The following CIAO3 variants were observed in gnomAD, a reference collection of about 807,000 sequenced individuals.
CIAO3 encodes the protein LET1 like/JFP15.
A neutral mutation model predicts 51.5 loss-of-function variants in CIAO3; 45 were observed. The observed-to-expected ratio is 0.87, with a 90% confidence interval of 0.69 to 1.12. The LOEUF (loss-of-function observed/expected upper bound fraction) is 1.12, where lower values mean the gene tolerates loss of function less well. Among genes scored for constraint, CIAO3 ranks in the 50% most tolerant of loss-of-function variants. The probability of loss-of-function intolerance (pLI) is 0.00; values close to 1 mark genes in which losing one functional copy is unlikely to be tolerated. For synonymous variants in CIAO3, 314 were observed against 269.3 expected, an observed-to-expected ratio of 1.17 and a Z score of -1.63; for missense variants, 668 against 632.5, an observed-to-expected ratio of 1.06 and a Z score of -0.60.
At chr16:740,023 T>G in intron 1 of CIAO3, 1 of 1,432,072 alleles carries the variant, frequency 7.0e-7, no homozygotes, top group Non-Finnish European at 9.3e-7. Flanking sequence ...AACACTGACC[T>G]TCACCCTTCA....
intron 3 of CIAO3, 30 bp from the exon 4 acceptor site, chr16:736,428 T>C (rs752503147): frequency 3.7e-6 from 6 of 1,611,556 alleles, no homozygotes; most frequent in African/African-American, 1.3e-5. Flanking sequence ...CGCTGCTTAC[T>C]CTGCTGGCCT....
chr16:737,276 C>A lies in CIAO3; in HGVS notation c.216G>T (p.Leu72=). The change falls in exon 3 of 11, where the codon CTG becomes CTT. Residue 72 remains leucine (L), a synonymous_variant. Coordinates refer to ENST00000251588, the MANE Select transcript of CIAO3 (RefSeq NM_022493.3). The surrounding 1 kb of genome is among the most constrained non-coding windows in gnomAD (Gnocchi z 5.3). ...CGGAGGTGATGCAGCCGCTGCACGC[C>A]AGGCAGTCGTTTAGCGAGACCTTGG... ...EKAKVSLNDC[L]ACSGCITSAE... 6.2e-7 allele frequency: 1 copy of A among 1,613,494 alleles called. No homozygotes were observed. The highest frequency in any genetic ancestry group is 8.5e-7 in the Non-Finnish European group (1 of 1,180,016).
Position 739,555 on chromosome 16 carries a change from G to C in CIAO3, c.162+88C>G, listed in dbSNP as rs547281145. Reference sequence around the variant, plus strand: ...CTGGTGAGACCTGGAGTGTCTCGGGGTCACCGCTCTGTGACGGGAGGAAGC... The same window carrying C: ...CTGGTGAGACCTGGAGTGTCTCGGGCTCACCGCTCTGTGACGGGAGGAAGC... On this transcript the variant is annotated intron_variant, in intron 2 of 10. Transcript: ENST00000251588. 1,905 of 1,320,410 alleles carry C rather than the reference G, an allele frequency of 1.4e-3. 2 individuals are homozygous for C. Among genetic ancestry groups the C allele is most frequent in the Non-Finnish European group, 1.9e-3 (1,772 of 916,532 alleles). 81.8% of individuals were successfully genotyped at this position (1,320,410 alleles called of 1,614,324 possible).
intron 5 of CIAO3, 40 bp downstream of exon 5, chr16:734,697 C>T (rs1420536802): frequency 6.2e-7 from 1 of 1,612,760 alleles, no homozygotes; most frequent in South Asian, 1.1e-5. Context: ...TTCAACTGCA[C>T]TTGAACTTGA....
At position 737,101 on chromosome 16, in the gene CIAO3, A is replaced by G; in HGVS notation, c.306+85T>C. On this transcript the variant is annotated intron_variant, in intron 3 of 10. Coordinates refer to ENST00000251588, the MANE Select transcript of CIAO3 (RefSeq NM_022493.3). This position sits in a 1 kb window ranked among gnomAD's most constrained non-coding sequence, Gnocchi z 5.3. Reference sequence around the variant, plus strand: ...CCCGCACGACGGACGTCGGCACCACACGAGCTGCCCTTGGCAAAACGCGTT... The same window carrying G: ...CCCGCACGACGGACGTCGGCACCACGCGAGCTGCCCTTGGCAAAACGCGTT... The G allele has an allele frequency of 1.9e-6, 3 of 1,578,058 alleles. No homozygotes were observed. The highest frequency in any genetic ancestry group is 1.3e-5 in the African/African-American group (1 of 74,348).
In CIAO3 at chr16:730,590, C is replaced by T. The variant is rs574344672; in HGVS notation, c.1258G>A (p.Val420Met). 3.0e-5 allele frequency: 49 copies of T among 1,610,902 alleles called. No individual in the cohort carries two copies. The Admixed American group carries it at 5.2e-4, about 17-fold the overall frequency. ...CGGACCATGCCGTACAGTCTCTCCA[C>T]GTGCTGGAGGAGCTCTCTGCTGGGC... ...DRPSRELLQH[V>M]ERLYGMVRAE... is the part of the protein sequence containing the mutation. The change falls in exon 11 of 11, where the codon GTG (valine) becomes ATG (methionine). Residue 420 changes from valine to methionine, a missense_variant. By Grantham distance (21) the Val-to-Met change is conservative (BLOSUM62 1). Coordinates refer to ENST00000251588, the MANE Select transcript of CIAO3 (RefSeq NM_022493.3).
Position 733,800 on chromosome 16 carries a change from C to T in CIAO3, c.694-373G>A, listed in dbSNP as rs113285753. The stretch of plus-strand genomic sequence containing the variant: ...CCGCGTGCAGTCAGGCAAGAGGTGC[C>T]GCAGGGGACATGGGCGCTCGAGGCC... On this transcript the variant is annotated intron_variant, in intron 6 of 10. Transcript: ENST00000251588. 1.3e-3 allele frequency: 469 copies of T among 372,260 alleles called. 4 individuals are homozygous for T. The highest frequency in any genetic ancestry group is 8.8e-3 in the African/African-American group (423 of 47,960). 23.1% of individuals were successfully genotyped at this position (372,260 alleles called of 1,614,324 possible). A position where few individuals can be genotyped will look rare whatever the true frequency, so the allele number is the denominator to read the frequency against.
intron 4 of CIAO3, chr16:735,665 C>T (rs1426270730): frequency 6.5e-6 from 1 of 152,764 alleles, no homozygotes; most frequent in African/African-American, 2.4e-5. Flanking sequence ...ATGGGTCAGA[C>T]AGGAGCCATG....
In CIAO3 at chr16:736,389, G is replaced by T. The variant is rs1352333973; in HGVS notation, c.316C>A (p.Pro106Thr). 1 of 1,612,804 alleles carries T rather than the reference G, an allele frequency of 6.2e-7. No homozygotes were observed. Reference protein sequence around the residue: ...KVLDANKMAAPSQQRLVVVSV... With the variant: ...KVLDANKMAATSQQRLVVVSV... ...ACTACAACCAGCCTCTGCTGACTGGGTGCCGCCATCTGCAAAGCAAGGGGA... is the reference window on the plus strand; with the variant it reads ...ACTACAACCAGCCTCTGCTGACTGGTTGCCGCCATCTGCAAAGCAAGGGGA... Residue 106 changes from proline (P) to threonine (T), a missense_variant, in exon 4 of 11, where the codon CCC becomes ACC. By Grantham distance (38) the Pro-to-Thr change is conservative. Coordinates refer to ENST00000251588, the MANE Select transcript of CIAO3 (RefSeq NM_022493.3).
chr16:740,000 C>A, intron 1 of CIAO3: 1 of 1,467,366 alleles, frequency 6.8e-7, no homozygotes, highest in South Asian at 1.2e-5. Flanking sequence ...TACCCACCTG[C>A]GGAGACACCA....
chr16:733,387 G>A lies in CIAO3; in HGVS notation c.734C>T (p.Pro245Leu), dbSNP rs775118375. The A allele has an allele frequency of 1.5e-5, 24 of 1,613,740 alleles. No individual in the cohort carries two copies. Among genetic ancestry groups the A allele is most frequent in the Admixed American group, 1.7e-5 (1 of 60,000 alleles). The change falls in exon 7 of 11, where the codon CCC becomes CTC. Residue 245 changes from proline (P) to leucine (L), a missense_variant. Physicochemically the swap from Pro to Leu is moderately conservative, Grantham distance 98 (BLOSUM62 -3). Coordinates refer to ENST00000251588, the MANE Select transcript of CIAO3 (RefSeq NM_022493.3). Reference sequence around the variant, plus strand: ...GGCTTCCAGCTTTTTGTCATAGCAGGGCATCACTGTGACGTGGTAGATCTT... The same window carrying A: ...GGCTTCCAGCTTTTTGTCATAGCAGAGCATCACTGTGACGTGGTAGATCTT... Reference protein sequence around the residue: ...PDKIYHVTVMPCYDKKLEASR... With the variant: ...PDKIYHVTVMLCYDKKLEASR...
Position 730,336 on chromosome 16 carries a change from G to T in CIAO3, c.*81C>A. 1 of 1,396,832 alleles carries T rather than the reference G, an allele frequency of 7.2e-7. No homozygotes were observed. The highest frequency in any genetic ancestry group is 9.9e-7 in the Non-Finnish European group (1 of 1,011,242). The allele number at this position is 1,396,832 out of a possible 1,614,324, so 86.5% of individuals were successfully genotyped here. A position where few individuals can be genotyped will look rare whatever the true frequency, so the allele number is the denominator to read the frequency against. ...CCCTGCAGCTCACTCAGAATTTTGG[G>T]GGAAGCCCTGGGGTCTTGGGGCATG... On this transcript the variant is annotated 3_prime_UTR_variant, in exon 11 of 11. Coordinates refer to ENST00000251588, the MANE Select transcript of CIAO3 (RefSeq NM_022493.3).
intron 4 of CIAO3, among the ~76,000 whole-genome samples, 187 bp downstream of exon 4, chr16:736,079 G>A (rs753206571): frequency 1.3e-5 from 2 of 152,256 alleles, no homozygotes; most frequent in Middle Eastern, 3.4e-3. Flanking sequence ...CGTGTTCTGT[G>A]AGAAGGCCCT....
At chr16:735,492 A>G (rs2041328741) in intron 4 of CIAO3, 1 of 152,324 alleles carries the variant, frequency 6.6e-6, no homozygotes, top group East Asian at 1.9e-4. Flanking sequence ...CTTGCCCGTC[A>G]TCATCATCTC....
rs1360407916 is a variant in CIAO3 at position 731,683 on chromosome 16, C to T, written c.916G>A (p.Glu306Lys). Residue 306 changes from glutamate (E) to lysine (K), a missense_variant, in exon 9 of 11, where the codon GAG becomes AAG. By Grantham distance (56) the Glu-to-Lys change is moderately conservative (BLOSUM62 1). Coordinates refer to ENST00000251588, the MANE Select transcript of CIAO3 (RefSeq NM_022493.3). ...LDSLCSGASA[E>K]EPTSHRGGGS... is the part of the protein sequence containing the mutation. ...CCTCCCCGATGGCTGGTGGGCTCCT[C>T]TGCAGAGGCACCGCTGCACCTGGCA... 2 of 1,557,882 alleles carry T rather than the reference C, an allele frequency of 1.3e-6. No individual in the cohort carries two copies. Among genetic ancestry groups the T allele is most frequent in the East Asian group, 2.4e-5 (1 of 41,992 alleles).
In CIAO3 at chr16:737,067, C is replaced by G; in HGVS notation, c.306+119G>C. 7.5e-7 allele frequency: 1 copy of G among 1,331,210 alleles called. No individual in the cohort carries two copies. The highest frequency in any genetic ancestry group is 1.3e-5 in the South Asian group (1 of 77,694). 82.5% of individuals were successfully genotyped at this position (1,331,210 alleles called of 1,614,324 possible). A position where few individuals can be genotyped will look rare whatever the true frequency, so the allele number is the denominator to read the frequency against. On this transcript the variant is annotated intron_variant, in intron 3 of 10. Coordinates refer to ENST00000251588, the MANE Select transcript of CIAO3 (RefSeq NM_022493.3). The surrounding 1 kb of genome is among the most constrained non-coding windows in gnomAD (Gnocchi z 5.3). ...ACCAAGATTCCAAGCCTCAAAAAGG[C>G]AGGCGCCACCCGCACGACGGACGTC... is the stretch of plus-strand genomic sequence containing the variant.
chr16:737,954 A>C lies in CIAO3; in HGVS notation c.163-625T>G. ...CTCCTGCAAAGGCAGGAATGGTTTG[A>C]GCAGGGCCAGGGGTGCTGCAGTGGC... is the stretch of plus-strand genomic sequence containing the variant. On this transcript the variant is annotated intron_variant, in intron 2 of 10. Coordinates refer to ENST00000251588, the MANE Select transcript of CIAO3 (RefSeq NM_022493.3). This position sits in a 1 kb window ranked among gnomAD's most constrained non-coding sequence, Gnocchi z 5.3. The C allele has an allele frequency of 4.2e-6, 5 of 1,180,354 alleles. No individual in the cohort carries two copies. Among genetic ancestry groups the C allele is most frequent in the Non-Finnish European group, 5.3e-6 (5 of 938,060 alleles). 73.1% of individuals were successfully genotyped at this position (1,180,354 alleles called of 1,614,324 possible). A position where few individuals can be genotyped will look rare whatever the true frequency, so the allele number is the denominator to read the frequency against.
chr16:740,893 C>G (rs528105485), intron 1 of CIAO3, 27 bp downstream of exon 1: 1 of 1,525,676 alleles, frequency 6.6e-7, no homozygotes, highest in East Asian at 2.6e-5. Context: ...AGCGCAGCCT[C>G]GACCCCGCCC....
Position 739,679 on chromosome 16 carries a change from G to C in CIAO3, c.126C>G (p.Arg42=), listed in dbSNP as rs1156979704. The C allele has an allele frequency of 1.2e-6, 2 of 1,614,170 alleles. No individual in the cohort carries two copies. Among genetic ancestry groups the C allele is most frequent in the Non-Finnish European group, 1.7e-6 (2 of 1,180,040 alleles). Residue 42 remains arginine (R), a synonymous_variant, in exon 2 of 11, where the codon CGC becomes CGG. Transcript: ENST00000251588. ...KRAGSGVAKI[R]IEDDGSYFQI... ...GGAAGTAGCTCCCGTCATCTTCAAT[G>C]CGAATCTTGGCCACGCCACTTCCCG...
Sources: gnomAD v4.1 joint callset for allele counts (sites outside exome capture counted in the v4.1 genomes callset) on GRCh38, gnomAD v4.1.1 for gene constraint, Gnocchi (gnomAD v3.1) non-coding constraint, MANE v1.5 for transcripts, NCBI Gene and HGNC (gene_info 2026-07-23, HGNC 2026-07-21) for gene names.